IQSEC2: variants seen among roughly 807,000 people sequenced by gnomAD.
The protein encoded by IQSEC2 is IQ motif and Sec7 domain ArfGEF 2.
In IQSEC2, 6 loss-of-function variants were observed where a neutral mutation model predicts 74.6. That is an observed-to-expected ratio of 0.08 (90% CI 0.04 to 0.16). The LOEUF is 0.16. Ranked by LOEUF, IQSEC2 falls within the 10% of genes least tolerant of loss-of-function variation. IQSEC2 has a pLI of 1.00. For missense variants in IQSEC2, 734 were observed against 1,306.2 expected (o/e 0.56, Z 6.75); for synonymous variants, 494 against 544.5 (o/e 0.91, Z 1.29).
intron 2 of IQSEC2, among the ~76,000 whole-genome samples, chrX:53,260,910 G>A (rs935504085): frequency 8.1e-5 from 9 of 111,311 alleles, no homozygotes; most frequent in South Asian, 3.8e-4. Flanking sequence ...GGCTTTTCAT[G>A]ACATCTTGTT....
At chrX:53,254,177 A>C (rs2074430512) in intron 4 of IQSEC2, among the ~76,000 whole-genome samples, 1 of 110,098 alleles carries the variant, frequency 9.1e-6, no homozygotes, top group South Asian at 4.0e-4. Flanking sequence ...CTAAAAATAC[A>C]AAATTAGCCG....
intron 8 of IQSEC2, 122 bp downstream of exon 8, chrX:53,246,847 G>T: frequency 1.6e-6 from 1 of 637,889 alleles, no homozygotes; most frequent in Non-Finnish European, 2.5e-6. Context: ...TCCAGCTAGG[G>T]CAGAAAGTGA....
intron 1 of IQSEC2, among the ~76,000 whole-genome samples, chrX:53,294,049 G>A (rs1321170666): frequency 1.8e-5 from 2 of 111,508 alleles, no homozygotes; most frequent in Non-Finnish European, 3.8e-5. Flanking sequence ...GCTCAGTGCC[G>A]GGCACGTACG....
intron 4 of IQSEC2, among the ~76,000 whole-genome samples, chrX:53,251,675 C>T (rs1217106351): frequency 8.9e-6 from 1 of 112,204 alleles, no homozygotes; most frequent in African/African-American, 3.2e-5. Context: ...GGTATTCACA[C>T]CCTAGGGTAC....
At chrX:53,308,031 G>T (rs1373474310) in intron 1 of IQSEC2, among the ~76,000 whole-genome samples, 1 of 109,144 alleles carries the variant, frequency 9.2e-6, no homozygotes, top group Non-Finnish European at 1.9e-5. Context: ...GGGCATAGTG[G>T]TGGGCACCTG....
chrX:53,251,998 T>C (rs1445940641), intron 4 of IQSEC2, among the ~76,000 whole-genome samples: 1 of 112,713 alleles, frequency 8.9e-6, no homozygotes, highest in East Asian at 2.8e-4. Flanking sequence ...AGTTTGAGGC[T>C]GCAGTGAGCT....
chrX:53,236,350 G>A lies in IQSEC2; in HGVS notation c.3423C>T (p.Ser1141=). The A allele has an allele frequency of 2.5e-6, 3 of 1,209,446 alleles. No homozygotes were observed. Among genetic ancestry groups the A allele is most frequent in the Non-Finnish European group, 3.4e-6 (3 of 894,285 alleles). Residue 1141 remains serine (S), a synonymous_variant, in exon 13 of 15, where the codon AGC becomes AGT. Transcript: ENST00000642864. ...CATCAGAGAGGTCTCGCAGGGAACT[G>A]CTGAGTGCGCCCCGTTTGAGCCCAT... ...AGDGLKRGAL[S]SSLRDLSDAG...
At chrX:53,239,162 C>T in intron 11 of IQSEC2, 33 bp downstream of exon 11, 1 of 1,042,525 alleles carries the variant, frequency 9.6e-7, no homozygotes. Context: ...ATGACATAGA[C>T]TCTCAGGAGC....
chrX:53,279,370 G>A, intron 2 of IQSEC2: 3 of 405,581 alleles, frequency 7.4e-6, no homozygotes, highest in Non-Finnish European at 1.3e-5. Context: ...TTTTTTTAAG[G>A]AAGGACAAAT....
intron 2 of IQSEC2, among the ~76,000 whole-genome samples, chrX:53,276,660 C>T (rs1448373521): frequency 1.8e-5 from 2 of 112,037 alleles, no homozygotes; most frequent in Non-Finnish European, 3.8e-5. Context: ...CTCACTGTTA[C>T]ATTTGATGAT....
At chrX:53,250,148 G>T in intron 5 of IQSEC2, 131 bp downstream of exon 5, 1 of 777,242 alleles carries the variant, frequency 1.3e-6, no homozygotes, top group Non-Finnish European at 1.9e-6. Context: ...CTGAATGTCT[G>T]GGGAGAAATA....
At chrX:53,243,792 A>G (rs2074260726) in intron 8 of IQSEC2, among the ~76,000 whole-genome samples, 1 of 112,669 alleles carries the variant, frequency 8.9e-6, no homozygotes, top group Non-Finnish European at 1.9e-5. Context: ...AGTGCAGGGA[A>G]GTGGGCATGT....
chrX:53,267,834 C>T (rs1455458806), intron 2 of IQSEC2, among the ~76,000 whole-genome samples: 2 of 111,842 alleles, frequency 1.8e-5, no homozygotes, highest in Admixed American at 9.5e-5. Flanking sequence ...TGTGAACCTC[C>T]CAGGACTGTT....
At chrX:53,235,252 C>A in intron 14 of IQSEC2, 68 bp from the exon 15 acceptor site, 1 of 1,147,187 alleles carries the variant, frequency 8.7e-7, no homozygotes, top group Non-Finnish European at 1.2e-6. Flanking sequence ...AAATTCCACC[C>A]CTGTCCCTGA....
At chrX:53,291,706 CT>C (rs1172412833) in intron 2 of IQSEC2, among the ~76,000 whole-genome samples, 188 bp downstream of exon 2, 1 of 110,916 alleles carries the variant, frequency 9.0e-6, no homozygotes, top group Non-Finnish European at 1.9e-5. Context: ...CTTGAACCCC[CT>C]CCCCACAGCT....
intron 1 of IQSEC2, among the ~76,000 whole-genome samples, chrX:53,316,249 A>C (rs2075369410): frequency 9.0e-6 from 1 of 111,665 alleles, no homozygotes; most frequent in Non-Finnish European, 1.9e-5. Flanking sequence ...CTAGATAGAG[A>C]AGCAAGACTC....
intron 2 of IQSEC2, among the ~76,000 whole-genome samples, chrX:53,258,773 G>A (rs1457871972): frequency 4.5e-5 from 5 of 111,314 alleles, no homozygotes; most frequent in African/African-American, 1.6e-4. Context: ...GAATCCAGGA[G>A]GCAGAGGTTG....
At chrX:53,242,790 C>T (rs1602270359) in intron 9 of IQSEC2, among the ~76,000 whole-genome samples, 1 of 110,800 alleles carries the variant, frequency 9.0e-6, no homozygotes, top group Non-Finnish European at 1.9e-5. Flanking sequence ...GGCTGGAGTG[C>T]GTTGGCACGA....
Position 53,320,616 on chromosome X carries a change from G to A in IQSEC2, c.508C>T (p.Arg170Cys). 3 of 1,152,543 alleles carry A rather than the reference G, an allele frequency of 2.6e-6. No homozygotes were observed. The highest frequency in any genetic ancestry group is 3.5e-6 in the Non-Finnish European group (3 of 867,081). 95.0% of individuals were successfully genotyped at this position (1,152,543 alleles called of 1,213,427 possible). Reference protein sequence around the residue: ...HHENPALGRERGGREAGPAHP... With the variant: ...HHENPALGRECGGREAGPAHP... Reference sequence around the variant, plus strand: ...GCCGGCCCGGCCTCCCGCCCGCCACGCTCGCGACCCAGGGCTGGGTTCTCG... The same window carrying A: ...GCCGGCCCGGCCTCCCGCCCGCCACACTCGCGACCCAGGGCTGGGTTCTCG... Residue 170 changes from arginine to cysteine, a missense_variant, in exon 1 of 15, where the codon CGT becomes TGT. Coordinates refer to ENST00000642864, the MANE Select transcript of IQSEC2 (RefSeq NM_001111125.3).
Sources: allele counts gnomAD v4.1 joint callset (sites outside exome capture counted in the v4.1 genomes callset), GRCh38; gene constraint gnomAD v4.1.1; transcripts MANE v1.5; gene names NCBI Gene and HGNC (gene_info 2026-07-23, HGNC 2026-07-21).